RIPOR1: variants seen among roughly 807,000 people sequenced by gnomAD.
RIPOR1 encodes the protein rho family-interacting cell polarization regulator 1.
A neutral mutation model predicts 116.5 loss-of-function variants in RIPOR1; 58 were observed. The observed-to-expected ratio is 0.50, with a 90% confidence interval of 0.40 to 0.62. RIPOR1 has a LOEUF of 0.62. Among genes scored for constraint, RIPOR1 ranks in the 20% least tolerant of loss-of-function variants. The pLI is 0.00. For synonymous variants in RIPOR1, 605 were observed against 650.0 expected (o/e 0.93, Z 1.05); for missense variants, 1,372 against 1,586.2 (o/e 0.86, Z 2.29).
At position 67,545,038 on chromosome 16, in the gene RIPOR1, G is replaced by A. The variant is rs569323074; in HGVS notation, c.2952G>A (p.Pro984=). 30 of 1,613,452 alleles carry A rather than the reference G, an allele frequency of 1.9e-5. 1 individual carries two copies. The highest frequency in any genetic ancestry group is 7.7e-5 in the South Asian group (7 of 91,088). Residue 984 remains proline, a synonymous_variant, in exon 17 of 22, where the codon CCG becomes CCA. Coordinates refer to ENST00000042381, the MANE Select transcript of RIPOR1 (RefSeq NM_024519.4). The surrounding 1 kb of genome is among the most constrained non-coding windows in gnomAD (Gnocchi z 4.8). ...AGAGACTCAGCTGCTTCCTCTGCCC[G>A]GTGGAGCGGGTGCTTCTCACCTTCT... is the stretch of plus-strand genomic sequence containing the variant. ...CTERLSCFLC[P]VERVLLTFCN...
chr16:67,546,531 G>A lies in RIPOR1; in HGVS notation c.*68G>A, dbSNP rs1016734793. 9.0e-6 allele frequency: 12 copies of A among 1,329,006 alleles called. No individual in the cohort carries two copies. Among genetic ancestry groups the A allele is most frequent in the East Asian group, 4.7e-5 (2 of 42,888 alleles). The allele number at this position is 1,329,006 out of a possible 1,614,324, so 82.3% of individuals were successfully genotyped here. On this transcript the variant is annotated 3_prime_UTR_variant, in exon 22 of 22. Transcript: ENST00000042381. ...TCAGGGCTCACCAGGCACTGGCAGG[G>A]AGGGTAAGGGCTGGCTCCAGATACC...
chr16:67,534,225 A>G (rs1056054981), intron 1 of RIPOR1, among the ~76,000 whole-genome samples: 2 of 151,556 alleles, frequency 1.3e-5, no homozygotes, highest in African/African-American at 4.9e-5. Context: ...GGGTTGAGCA[A>G]TTCTCATGCC....
rs757418472 is a variant in RIPOR1 at position 67,542,491 on chromosome 16, A to C, written c.1705A>C (p.Thr569Pro). Residue 569 changes from threonine to proline, a missense_variant, in exon 13 of 22, where the codon ACT becomes CCT. Thr to Pro is a conservative substitution (Grantham distance 38). Coordinates refer to ENST00000042381, the MANE Select transcript of RIPOR1 (RefSeq NM_024519.4). The surrounding 1 kb of genome is among the most constrained non-coding windows in gnomAD (Gnocchi z 4.6). ...THSAPSPLTHTTTGSTHKPII... is the reference protein window; with the variant it reads ...THSAPSPLTHPTTGSTHKPII... ...CAGTGCTCCAAGCCCCCTCACTCAC[A>C]CTACTACAGGCTCCACCCACAAGCC... 21 of 1,613,446 alleles carry C rather than the reference A, an allele frequency of 1.3e-5. No homozygotes were observed. Among genetic ancestry groups the C allele is most frequent in the Non-Finnish European group, 1.8e-5 (21 of 1,179,886 alleles).
chr16:67,536,246 A>G lies in RIPOR1; in HGVS notation c.-23-2178A>G, dbSNP rs528780149. 1.6e-3 allele frequency among the ~76,000 whole-genome samples: 245 copies of G among 152,288 alleles called. 1 individual carries two copies. Among genetic ancestry groups the G allele is most frequent in the African/African-American group, 5.6e-3 (234 of 41,558 alleles). On this transcript the variant is annotated intron_variant, in intron 1 of 21. Transcript: ENST00000042381. ...GCTGATCACTTGAGGTCAGGGGTTC[A>G]AGACCAGCCTGGCCAACATGGTGAA...
upstream of RIPOR1, chr16:67,528,685 G>C (rs2050571374): frequency 1.3e-5 from 2 of 152,136 alleles, no homozygotes; most frequent in Non-Finnish European, 2.9e-5. Flanking sequence ...TGGGCCACCG[G>C]CCTGCCCCGT....
Position 67,529,767 on chromosome 16 carries a change from G to C in RIPOR1, c.-24+853G>C, listed in dbSNP as rs2050605017. Reference sequence around the variant, plus strand: ...TACTTGTGCCCTGGCTGCAGTCTGCGGGGCCGCGCCCTGGGCCTGCCGCAT... The same window carrying C: ...TACTTGTGCCCTGGCTGCAGTCTGCCGGGCCGCGCCCTGGGCCTGCCGCAT... On this transcript the variant is annotated intron_variant, in intron 1 of 21. Transcript: ENST00000042381. This position sits in a 1 kb window ranked among gnomAD's most constrained non-coding sequence, Gnocchi z 4.1. The C allele has an allele frequency of 6.5e-7, 1 of 1,534,982 alleles. No homozygotes were observed. The highest frequency in any genetic ancestry group is 8.7e-7 in the Non-Finnish European group (1 of 1,146,818).
At position 67,520,885 on chromosome 16, in the gene RIPOR1, A is replaced by T. The variant is rs567277916; in HGVS notation, c.-24+2272A>T. ...GGGCATGAAGGGAGATAGCCAGAGA[A>T]GCAGCTAGAAATCCTTCTCTTGGAT... On this transcript the variant is annotated intron_variant, in intron 1 of 1. Transcript: ENST00000562116. Among the ~76,000 whole-genome samples, 5 of 152,248 alleles carry T rather than the reference A, an allele frequency of 3.3e-5. No homozygotes were observed. The South Asian group carries it at 1.0e-3, about 32-fold the overall frequency.
chr16:67,535,700 G>A (rs1218078936), intron 1 of RIPOR1, among the ~76,000 whole-genome samples: 1 of 152,174 alleles, frequency 6.6e-6, no homozygotes, highest in Non-Finnish European at 1.5e-5. Flanking sequence ...TAAAAGGCAG[G>A]TGAGGTGGGG....
At position 67,538,746 on chromosome 16, in the gene RIPOR1, C is replaced by T. The variant is rs374261841; in HGVS notation, c.179C>T (p.Ser60Phe). 45 of 1,613,364 alleles carry T rather than the reference C, an allele frequency of 2.8e-5. 1 individual carries two copies. The highest frequency in any genetic ancestry group is 1.3e-4 in the East Asian group (6 of 44,884). The change falls in exon 3 of 22, where the codon TCC becomes TTC. Residue 60 changes from serine to phenylalanine, a missense_variant. Ser to Phe is a radical substitution (Grantham distance 155, BLOSUM62 -2). This residue lies in a region of RIPOR1 where 165 missense variants were observed against 145.5 expected (regional missense o/e 1.13). Transcript: ENST00000042381. ...PALSRVSRMF[S>F]VAHPAAKVPQ... ...CTCTCCCGAGTGTCCAGGATGTTTT[C>T]CGTGGCTCACCCAGCCGCCAAGGTG...
rs1243987855 is a variant in RIPOR1, at chr16:67,539,174, G to C, written c.336+106G>C. Reference sequence around the variant, plus strand: ...CTATTTTCTGAAGTGATCTGGTTCAGGTGTGAGTAGAAAAGGGGATATCAG... The same window carrying C: ...CTATTTTCTGAAGTGATCTGGTTCACGTGTGAGTAGAAAAGGGGATATCAG... On this transcript the variant is annotated intron_variant, in intron 4 of 21. Coordinates refer to ENST00000042381, the MANE Select transcript of RIPOR1 (RefSeq NM_024519.4). The C allele has an allele frequency of 4.3e-6, 4 of 930,544 alleles. No individual in the cohort carries two copies. In the African/African-American group the frequency reaches 5.0e-5, roughly 12 times the overall value. The allele number at this position is 930,544 out of a possible 1,614,324, so 57.6% of individuals were successfully genotyped here.
In RIPOR1 at chr16:67,540,080, G is replaced by A. The variant is rs1294108492; in HGVS notation, c.442G>A (p.Val148Ile). The A allele has an allele frequency of 6.2e-7, 1 of 1,614,074 alleles. No homozygotes were observed. Among genetic ancestry groups the A allele is most frequent in the Admixed American group, 1.7e-5 (1 of 60,008 alleles). ...CGATGAGCTGTATGAGGCATACTGTGTCCAGCGGCGTCTCCGGGATGGTGC... is the reference window on the plus strand; with the variant it reads ...CGATGAGCTGTATGAGGCATACTGTATCCAGCGGCGTCTCCGGGATGGTGC... ...KIDELYEAYC[V>I]QRRLRDGAYN... The change falls in exon 7 of 22, where the codon GTC (valine) becomes ATC (isoleucine). Residue 148 changes from valine to isoleucine, a missense_variant. By Grantham distance (29) the Val-to-Ile change is conservative. This residue lies in a region of RIPOR1 where 202 missense variants were observed against 295.9 expected (regional missense o/e 0.68). Transcript: ENST00000042381. The surrounding 1 kb of genome is among the most constrained non-coding windows in gnomAD (Gnocchi z 4.7).
At chr16:67,520,277 A>G (rs2050483826) in intron 1 of RIPOR1, among the ~76,000 whole-genome samples, 1 of 151,478 alleles carries the variant, frequency 6.6e-6, no homozygotes, top group African/African-American at 2.4e-5. Flanking sequence ...GCTACTCAGG[A>G]CGCTGAGGTG....
Position 67,531,782 on chromosome 16 carries a change from G to T in RIPOR1, c.-24+2868G>T, listed in dbSNP as rs190602699. Among the ~76,000 whole-genome samples the T allele has an allele frequency of 1.6e-4, 24 of 152,324 alleles. No homozygotes were observed. The highest frequency in any genetic ancestry group is 1.3e-3 in the Admixed American group (20 of 15,302). On this transcript the variant is annotated intron_variant, in intron 1 of 21. Transcript: ENST00000042381. The surrounding 1 kb of genome is among the most constrained non-coding windows in gnomAD (Gnocchi z 4.2). ...GGGCTTTCTCCCTGGGACAAGAGTG[G>T]CTGTGGCTATTTCACATCAGTCTGA...
In RIPOR1 at chr16:67,544,433, T is replaced by A; in HGVS notation, c.2733+2T>A. The A allele has an allele frequency of 6.2e-7, 1 of 1,606,922 alleles. No homozygotes were observed. Among genetic ancestry groups the A allele is most frequent in the Non-Finnish European group, 8.5e-7 (1 of 1,177,640 alleles). ...TACCACTGCAGTCGCCTCCTGCTGGTGAGGCTGATGGTGTTCCCCCACCCT... is the reference window on the plus strand; with the variant it reads ...TACCACTGCAGTCGCCTCCTGCTGGAGAGGCTGATGGTGTTCCCCCACCCT... On this transcript the variant is annotated splice_donor_variant, in intron 15 of 21. Coordinates refer to ENST00000042381, the MANE Select transcript of RIPOR1 (RefSeq NM_024519.4). LOFTEE classifies it high-confidence loss of function. The surrounding 1 kb of genome is among the most constrained non-coding windows in gnomAD (Gnocchi z 5.1).
rs2051068072 is a variant in RIPOR1 at position 67,543,560 on chromosome 16, A to G, written c.2600+91A>G. Reference sequence around the variant, plus strand: ...GAAGGTGGAACAGGTGAATTGGGAGAAAGTCAAAGGACAGGACAGGTGAGG... The same window carrying G: ...GAAGGTGGAACAGGTGAATTGGGAGGAAGTCAAAGGACAGGACAGGTGAGG... On this transcript the variant is annotated intron_variant, in intron 14 of 21. Coordinates refer to ENST00000042381, the MANE Select transcript of RIPOR1 (RefSeq NM_024519.4). The surrounding 1 kb of genome is among the most constrained non-coding windows in gnomAD (Gnocchi z 4.7). The G allele has an allele frequency of 6.6e-6, 10 of 1,520,576 alleles. No individual in the cohort carries two copies. Among genetic ancestry groups the G allele is most frequent in the Admixed American group, 5.9e-5 (3 of 50,666 alleles). 94.2% of individuals were successfully genotyped at this position (1,520,576 alleles called of 1,614,324 possible). A position where few individuals can be genotyped will look rare whatever the true frequency, so the allele number is the denominator to read the frequency against.
intron 4 of RIPOR1, 120 bp downstream of exon 4, chr16:67,539,188 A>C: frequency 1.2e-6 from 1 of 807,788 alleles, no homozygotes; most frequent in Non-Finnish European, 1.9e-6. Flanking sequence ...TGAGTAGAAA[A>C]GGGGATATCA....
chr16:67,521,595 A>G (rs1050885203), intron 1 of RIPOR1, among the ~76,000 whole-genome samples: 2 of 152,148 alleles, frequency 1.3e-5, no homozygotes, highest in African/African-American at 4.8e-5. Context: ...AAGGACGCCC[A>G]GCCCAGACCG....
Position 67,530,584 on chromosome 16 carries a change from G to A in RIPOR1, c.-24+1670G>A, listed in dbSNP as rs1380724111. On this transcript the variant is annotated intron_variant, in intron 1 of 21. Transcript: ENST00000042381. The surrounding 1 kb of genome is among the most constrained non-coding windows in gnomAD (Gnocchi z 4.5). ...GGGGCTAGACCCGGGGACTCCCAGA[G>A]AGGCAGCTGGCCTGGCACAGTGCTG... 6.6e-6 allele frequency among the ~76,000 whole-genome samples: 1 copy of A among 152,212 alleles called. No individual in the cohort carries two copies. The highest frequency in any genetic ancestry group is 2.4e-5 in the African/African-American group (1 of 41,458).
In RIPOR1 at chr16:67,542,477, GC is replaced by G; in HGVS notation, c.1696del (p.Leu566SerfsTer13). On this transcript the variant is annotated frameshift_variant, in exon 13 of 22. Coordinates refer to ENST00000042381, the MANE Select transcript of RIPOR1 (RefSeq NM_024519.4). LOFTEE classifies it high-confidence loss of function. This position sits in a 1 kb window ranked among gnomAD's most constrained non-coding sequence, Gnocchi z 4.6. ...ATTACCACTACCCACAGTGCTCCAA[GC>G]CCCCTCACTCACACTACTACAGGCT... ...SAITTTHSAP[S>X]PLTHTTTGST... 6.2e-7 allele frequency: 1 copy of G among 1,613,662 alleles called. No individual in the cohort carries two copies. The highest frequency in any genetic ancestry group is 8.5e-7 in the Non-Finnish European group (1 of 1,179,898).
Sources: gnomAD v4.1 joint callset for allele counts (sites outside exome capture counted in the v4.1 genomes callset) on GRCh38, gnomAD v4.1.1 for gene constraint, gnomAD v4.1.1 regional missense constraint, Gnocchi (gnomAD v3.1) non-coding constraint, MANE v1.5 for transcripts, NCBI Gene and HGNC (gene_info 2026-07-23, HGNC 2026-07-21) for gene names.